Variants in COG1 observed in about 807,000 individuals in gnomAD.
COG1 encodes the protein conserved oligomeric Golgi complex subunit 1.
Under a neutral mutation model 102.2 loss-of-function variants are expected in COG1, and 61 were observed. The observed-to-expected ratio is 0.60, with a 90% confidence interval of 0.49 to 0.74. The LOEUF is 0.74. COG1 is among the 30% of genes least tolerant of loss of function. The probability of loss-of-function intolerance (pLI) is 0.00; values close to 1 mark genes in which losing one functional copy is unlikely to be tolerated. For synonymous variants in COG1, 454 were observed against 493.6 expected (o/e 0.92, Z 1.06); for missense variants, 1,164 against 1,232.1 (o/e 0.94, Z 0.83).
intron 1 of COG1, among the ~76,000 whole-genome samples, chr17:73,193,590 C>T (rs1410359579): frequency 6.6e-6 from 1 of 152,246 alleles, no homozygotes; most frequent in Non-Finnish European, 1.5e-5. Flanking sequence ...CTGATCCGTT[C>T]TGGAAATGCC....
intron 9 of COG1, among the ~76,000 whole-genome samples, chr17:73,204,354 G>A (rs922461784): frequency 6.6e-6 from 1 of 152,082 alleles, no homozygotes; most frequent in African/African-American, 2.4e-5. Context: ...ACTTGTAAAA[G>A]GCAGACAGCC....
rs3214787 is a variant in COG1, at chr17:73,205,960, C to CA, written c.2511-194_2511-193insA. 0.6 allele frequency: 405,018 copies of CA among 678,474 alleles called. 121,729 individuals carry two copies. The highest frequency in any genetic ancestry group is 0.63 in the Middle Eastern group (1,620 of 2,556). The allele number at this position is 678,474 out of a possible 1,614,324, so 42.0% of individuals were successfully genotyped here. A position where few individuals can be genotyped will look rare whatever the true frequency, so the allele number is the denominator to read the frequency against. On this transcript the variant is annotated intron_variant, in intron 10 of 13. Coordinates refer to ENST00000299886, the MANE Select transcript of COG1 (RefSeq NM_018714.3). ...CTTAGTGCCCTCCTTATAGACAGAACGGGGGAAAGGGTGGACTTCACTTAG... is the reference window on the plus strand; with the variant it reads ...CTTAGTGCCCTCCTTATAGACAGAACAGGGGGAAAGGGTGGACTTCACTTAG...
At chr17:73,202,770 G>A (rs1251498039) in intron 7 of COG1, among the ~76,000 whole-genome samples, 1 of 152,052 alleles carries the variant, frequency 6.6e-6, no homozygotes, top group African/African-American at 2.4e-5. Flanking sequence ...CTGGGAGAAG[G>A]GCAAGACCCT....
At chr17:73,196,815 G>A in intron 2 of COG1, 64 bp downstream of exon 2, 1 of 1,613,846 alleles carries the variant, frequency 6.2e-7, no homozygotes, top group Non-Finnish European at 8.5e-7. Flanking sequence ...CGGGTTTATG[G>A]CGTTTGTCTT....
chr17:73,196,828 TTCCTGATGTA>T, intron 2 of COG1, 62 bp from the exon 3 acceptor site: 1 of 1,613,760 alleles, frequency 6.2e-7, no homozygotes, highest in Non-Finnish European at 8.5e-7. Flanking sequence ...TTTGTCTTCT[TTCCTGATGTA>T]CCAAAGCTCT....
Position 73,196,565 on chromosome 17 carries a change from T to C in COG1, c.374T>C (p.Leu125Ser). ...YSMAAQIKLL[L>S]EIPEKIWSSM... ...ATGGCTGCCCAGATCAAGCTACTCT[T>C]AGAAATTCCGGAGAAGATCTGGAGC... The change falls in exon 2 of 14, where the codon TTA becomes TCA. Residue 125 changes from leucine to serine, a missense_variant. Coordinates refer to ENST00000299886, the MANE Select transcript of COG1 (RefSeq NM_018714.3). 1 of 1,614,218 alleles carries C rather than the reference T, an allele frequency of 6.2e-7. No homozygotes were observed. The highest frequency in any genetic ancestry group is 8.5e-7 in the Non-Finnish European group (1 of 1,180,044).
In COG1 at chr17:73,205,640, G is replaced by A. The variant is rs1248391724; in HGVS notation, c.2470G>A (p.Gly824Ser). The A allele has an allele frequency of 2.5e-6, 4 of 1,613,906 alleles. No individual in the cohort carries two copies. Among genetic ancestry groups the A allele is most frequent in the Middle Eastern group, 1.7e-4 (1 of 6,018 alleles). The change falls in exon 10 of 14, where the codon GGT becomes AGT. Residue 824 changes from glycine to serine, a missense_variant. Transcript: ENST00000299886. Reference sequence around the variant, plus strand: ...CCTCAACATTGTTCTGACAGCCAAGGGTGACGAGGTGAAGAGTGGCCGGAG... The same window carrying A: ...CCTCAACATTGTTCTGACAGCCAAGAGTGACGAGGTGAAGAGTGGCCGGAG... Reference protein sequence around the residue: ...RYLNIVLTAKGDEVKSGRSKP... With the variant: ...RYLNIVLTAKSDEVKSGRSKP...
intron 9 of COG1, chr17:73,205,248 A>T (rs1568298216): frequency 2.6e-6 from 1 of 382,492 alleles, no homozygotes. Flanking sequence ...TTCTCTAATG[A>T]GCCTCCTCAA....
At chr17:73,193,922 G>C (rs1005836087) in intron 1 of COG1, among the ~76,000 whole-genome samples, 1 of 152,092 alleles carries the variant, frequency 6.6e-6, no homozygotes, top group Non-Finnish European at 1.5e-5. Context: ...GTATGTATGT[G>C]ACAGGGTCTC....
chr17:73,207,295 C>G (rs186737076), intron 13 of COG1, 39 bp downstream of exon 13: 1 of 1,582,196 alleles, frequency 6.3e-7, no homozygotes, highest in Admixed American at 1.7e-5. Context: ...GTGGATGGGT[C>G]CCCACCTCCC....
At chr17:73,204,554 CTTTTTTTTTTTT>C (rs575425786) in intron 9 of COG1, among the ~76,000 whole-genome samples, 1 of 95,860 alleles carries the variant, frequency 1.0e-5, no homozygotes, top group South Asian at 3.5e-4. Context: ...TCATTAGTAA[CTTTTTTTTTTTT>C]TTTTTTTTTT....
rs1213716665 is a variant in COG1, at chr17:73,200,475, G to A, written c.1071-91G>A. The stretch of plus-strand genomic sequence containing the variant: ...TATTTATCTACTGGAACTCAGATAA[G>A]AGATTGTCAAATGGGATTCTGATGT... On this transcript the variant is annotated intron_variant, in intron 5 of 13. Coordinates refer to ENST00000299886, the MANE Select transcript of COG1 (RefSeq NM_018714.3). 2.8e-6 allele frequency: 3 copies of A among 1,080,668 alleles called. No homozygotes were observed. In the East Asian group the frequency reaches 7.1e-5, roughly 25 times the overall value. 66.9% of individuals were successfully genotyped at this position (1,080,668 alleles called of 1,614,324 possible). A position where few individuals can be genotyped will look rare whatever the true frequency, so the allele number is the denominator to read the frequency against.
chr17:73,201,064 C>T, intron 6 of COG1, 45 bp from the exon 7 acceptor site: 1 of 1,566,284 alleles, frequency 6.4e-7, no homozygotes, highest in Non-Finnish European at 8.8e-7. Context: ...TTTGAAATGT[C>T]CTTAAAGGAA....
At position 73,206,836 on chromosome 17, in the gene COG1, C is replaced by A; in HGVS notation, c.2729+19C>A. ...AGATCAGGTAAAGGCTGCCAAGAGG[C>A]TTCTGCGGGGCACTTCGGGAGGCCA... On this transcript the variant is annotated intron_variant, in intron 12 of 13. Transcript: ENST00000299886. The A allele has an allele frequency of 6.3e-7, 1 of 1,578,184 alleles. No individual in the cohort carries two copies. The highest frequency in any genetic ancestry group is 1.7e-5 in the Admixed American group (1 of 59,886).
chr17:73,202,831 A>T (rs1411711038), intron 7 of COG1, 169 bp from the exon 8 acceptor site: 5 of 748,860 alleles, frequency 6.7e-6, no homozygotes, highest in Non-Finnish European at 1.2e-5. Flanking sequence ...AGTTAGCAAC[A>T]AAATTCCCAT....
rs777144980 is a variant in COG1 at position 73,200,647 on chromosome 17, C to G, written c.1152C>G (p.Asp384Glu). 1.3e-5 allele frequency: 21 copies of G among 1,614,112 alleles called. No individual in the cohort carries two copies. The highest frequency in any genetic ancestry group is 6.6e-5 in the South Asian group (6 of 91,076). Residue 384 changes from aspartate (D) to glutamate (E), a missense_variant, in exon 6 of 14, where the codon GAC (aspartate) becomes GAG (glutamate). By Grantham distance (45) the Asp-to-Glu change is conservative (BLOSUM62 2). Transcript: ENST00000299886. ...KSMKGLAGIRDAMWELLTNES... is the reference protein window; with the variant it reads ...KSMKGLAGIREAMWELLTNES... ...TGAAGGGTCTCGCGGGAATCCGGGA[C>G]GCCATGTGGGAGTTACTTACCAATG...
chr17:73,201,542 C>T lies in COG1; in HGVS notation c.1715C>T (p.Thr572Ile). ...DAGTVQEMLR[T>I]QSVACIKHIV... The stretch of plus-strand genomic sequence containing the variant: ...GGGACCGTGCAGGAGATGCTGCGGA[C>T]TCAGTCCGTGGCATGCATCAAGCAC... Residue 572 changes from threonine to isoleucine, a missense_variant, in exon 7 of 14, where the codon ACT becomes ATT. Transcript: ENST00000299886. 1 of 1,614,250 alleles carries T rather than the reference C, an allele frequency of 6.2e-7. No homozygotes were observed. The highest frequency in any genetic ancestry group is 8.5e-7 in the Non-Finnish European group (1 of 1,180,050).
chr17:73,194,409 T>A, intron 1 of COG1, among the ~76,000 whole-genome samples: 1 of 96,960 alleles, frequency 1.0e-5, no homozygotes. Flanking sequence ...GCCACTGCAC[T>A]CCAGCCTGGG....
rs1320946031 is a variant in COG1 at position 73,203,778 on chromosome 17, A to G, written c.2367A>G (p.Glu789=). ...QVVAAYEKLS[E]EKQIKKEGAF... ...TAGCTGCCTATGAGAAACTCTCCGA[A>G]GAAAAACAGATTAAGGTAGGTGTCT... The change falls in exon 9 of 14, where the codon GAA becomes GAG. Residue 789 remains glutamate, a synonymous_variant. Transcript: ENST00000299886. 6.2e-7 allele frequency: 1 copy of G among 1,614,236 alleles called. No homozygotes were observed. The highest frequency in any genetic ancestry group is 1.1e-5 in the South Asian group (1 of 91,088).
Sources: allele counts gnomAD v4.1 joint callset (sites outside exome capture counted in the v4.1 genomes callset), GRCh38; gene constraint gnomAD v4.1.1; transcripts MANE v1.5; gene names NCBI Gene and HGNC (gene_info 2026-07-23, HGNC 2026-07-21).